The following GORAB variants were observed in gnomAD, a reference collection of about 807,000 sequenced individuals.
GORAB encodes RAB6-interacting golgin.
A neutral mutation model predicts 29.9 loss-of-function variants in GORAB; 17 were observed. The ratio of observed to expected loss-of-function variants is 0.57; its 90% CI spans 0.39 to 0.85. GORAB has a LOEUF of 0.85. Ranked by LOEUF, GORAB falls within the 40% of genes least tolerant of loss-of-function variation. The pLI is 0.00. For synonymous variants in GORAB, 183 were observed against 157.2 expected, an observed-to-expected ratio of 1.16 and a Z score of -1.23; for missense variants, 442 against 437.8, an observed-to-expected ratio of 1.01 and a Z score of -0.09.
At chr1:170,544,646 A>G (rs1231707466) in intron 3 of GORAB, 59 bp from the exon 4 acceptor site, 15 of 1,437,112 alleles carry the variant, frequency 1.0e-5, no homozygotes, top group Admixed American at 1.7e-5. Flanking sequence ...CTTACATTGT[A>G]TATGGACACA....
chr1:170,545,009 G>A, intron 4 of GORAB, 164 bp downstream of exon 4: 1 of 1,360,636 alleles, frequency 7.3e-7, no homozygotes, highest in East Asian at 2.6e-5. Context: ...CTCCTCTTCA[G>A]TGAAGTCTTC....
rs1649661209 is a variant in GORAB, at chr1:170,544,852, TG to T, written c.662+11del. 1.2e-6 allele frequency: 2 copies of T among 1,605,294 alleles called. No homozygotes were observed. The highest frequency in any genetic ancestry group is 2.7e-5 in the African/African-American group (2 of 74,790). On this transcript the variant is annotated splice_region_variant and intron_variant, in intron 4 of 4. Coordinates refer to ENST00000367763, the MANE Select transcript of GORAB (RefSeq NM_152281.3). ...TAGACTATTCATACGCTCGGTGAGT[TG>T]GGGAAATTGAATCTGAACAAGGAGT...
rs761513073 is a variant in GORAB at position 170,553,515 on chromosome 1, C to CT, written c.*1064dup. On this transcript the variant is annotated 3_prime_UTR_variant, in exon 5 of 5. Transcript: ENST00000367763. ...AAAGTAAAAATATTACCTTTGAGGA[C>CT]TTTTTTTTTTTAAAAAAAGAATTAT... 1,234 of 362,700 alleles carry CT rather than the reference C, an allele frequency of 3.4e-3. 2 individuals carry two copies. Among genetic ancestry groups the CT allele is most frequent in the African/African-American group, 7.2e-3 (326 of 45,550 alleles). The allele number at this position is 362,700 out of a possible 1,614,324, so 22.5% of individuals were successfully genotyped here. A position where few individuals can be genotyped will look rare whatever the true frequency, so the allele number is the denominator to read the frequency against.
intron 1 of GORAB, chr1:170,538,955 A>G: frequency 1.9e-6 from 1 of 521,844 alleles, no homozygotes; most frequent in East Asian, 3.3e-5. Flanking sequence ...CCTAAGGCCT[A>G]ACTCACTGAT....
chr1:170,550,636 T>C (rs1410147642), intron 4 of GORAB, among the ~76,000 whole-genome samples: 1 of 152,172 alleles, frequency 6.6e-6, no homozygotes, highest in Admixed American at 6.6e-5. Context: ...CCATTTATTA[T>C]TTTCACTGTA....
intron 1 of GORAB, among the ~76,000 whole-genome samples, chr1:170,532,977 T>G (rs1558000198): frequency 1.3e-5 from 2 of 152,176 alleles, no homozygotes; most frequent in African/African-American, 4.8e-5. Context: ...GTACAATTTT[T>G]TTGTTGTTGT....
At chr1:170,536,120 C>T (rs1413823675) in intron 1 of GORAB, among the ~76,000 whole-genome samples, 1 of 152,010 alleles carries the variant, frequency 6.6e-6, no homozygotes, top group Non-Finnish European at 1.5e-5. Context: ...TTGCCACTAA[C>T]GTGGTATATG....
Position 170,552,583 on chromosome 1 carries a change from A to G in GORAB, c.*121A>G, listed in dbSNP as rs1472641562. The G allele has an allele frequency of 1.1e-6, 1 of 873,594 alleles. No homozygotes were observed. The allele number at this position is 873,594 out of a possible 1,614,324, so 54.1% of individuals were successfully genotyped here. On this transcript the variant is annotated 3_prime_UTR_variant, in exon 5 of 5. Coordinates refer to ENST00000367763, the MANE Select transcript of GORAB (RefSeq NM_152281.3). ...AATGCTGATTTTTGAATTCATGATT[A>G]GTTTTAGTAAATTAATAGGTTTGGC...
At chr1:170,551,686 A>T (rs951098582) in intron 4 of GORAB, among the ~76,000 whole-genome samples, 4 of 152,186 alleles carry the variant, frequency 2.6e-5, no homozygotes, top group Admixed American at 1.3e-4. Context: ...GCTACAAATC[A>T]GGGCTCCCCA....
intron 4 of GORAB, chr1:170,545,141 G>A: frequency 1.9e-6 from 2 of 1,065,984 alleles, no homozygotes; most frequent in South Asian, 4.0e-5. Flanking sequence ...AAGTGTTTTT[G>A]CTCATCTTTC....
intron 4 of GORAB, among the ~76,000 whole-genome samples, chr1:170,550,280 C>T (rs1366519486): frequency 3.3e-5 from 5 of 152,134 alleles, no homozygotes; most frequent in African/African-American, 4.8e-5. Flanking sequence ...TGAGATGAGC[C>T]GGGCAAACCT....
chr1:170,550,913 G>T (rs1359927722), intron 4 of GORAB, among the ~76,000 whole-genome samples: 1 of 152,152 alleles, frequency 6.6e-6, no homozygotes, highest in Non-Finnish European at 1.5e-5. Context: ...AATAAATTAA[G>T]ACACGATAAC....
In GORAB at chr1:170,532,193, G is replaced by T; in HGVS notation, c.-31G>T. ...TGGCAGTCGCGGCTGCGAGATTTGGGCACTTTTGGGGGTGCCGGTGGCCCG... is the reference window on the plus strand; with the variant it reads ...TGGCAGTCGCGGCTGCGAGATTTGGTCACTTTTGGGGGTGCCGGTGGCCCG... On this transcript the variant is annotated 5_prime_UTR_variant, in exon 1 of 5. Coordinates refer to ENST00000367763, the MANE Select transcript of GORAB (RefSeq NM_152281.3). The T allele has an allele frequency of 6.2e-7, 1 of 1,613,946 alleles. No individual in the cohort carries two copies. The highest frequency in any genetic ancestry group is 8.5e-7 in the Non-Finnish European group (1 of 1,180,046).
intron 4 of GORAB, among the ~76,000 whole-genome samples, chr1:170,547,137 C>T (rs1322446621): frequency 1.3e-5 from 2 of 151,990 alleles, no homozygotes; most frequent in African/African-American, 2.4e-5. Flanking sequence ...AATTACAGAT[C>T]GGTAAAATAA....
intron 1 of GORAB, among the ~76,000 whole-genome samples, chr1:170,538,430 A>C (rs1649186246): frequency 6.6e-6 from 1 of 152,194 alleles, no homozygotes; most frequent in Non-Finnish European, 1.5e-5. Context: ...TGTGGGTCAG[A>C]TTCTCCAATT....
Position 170,553,516 on chromosome 1 carries a change from T to A in GORAB, c.*1054T>A, listed in dbSNP as rs769167855. The A allele has an allele frequency of 3.2e-6, 1 of 316,276 alleles. No homozygotes were observed. The highest frequency in any genetic ancestry group is 2.6e-5 in the South Asian group (1 of 37,818). 19.6% of individuals were successfully genotyped at this position (316,276 alleles called of 1,614,324 possible). A position where few individuals can be genotyped will look rare whatever the true frequency, so the allele number is the denominator to read the frequency against. ...AAGTAAAAATATTACCTTTGAGGAC[T>A]TTTTTTTTTTAAAAAAAGAATTATT... is the stretch of plus-strand genomic sequence containing the variant. On this transcript the variant is annotated 3_prime_UTR_variant, in exon 5 of 5. Transcript: ENST00000367763.
chr1:170,540,445 CT>C lies in GORAB; in HGVS notation c.419+889del, dbSNP rs998860349. On this transcript the variant is annotated intron_variant, in intron 2 of 4. Transcript: ENST00000367763. ...CTTTTCTGAGTTCTTTTCAAAGTAT[CT>C]TTTTTTTTTTCTAATCTCTGACATC... is the stretch of plus-strand genomic sequence containing the variant. 1.0e-3 allele frequency among the ~76,000 whole-genome samples: 153 copies of C among 147,412 alleles called. 2 individuals carry two copies. Among genetic ancestry groups the C allele is most frequent in the African/African-American group, 2.6e-3 (105 of 40,494 alleles).
At chr1:170,538,796 G>A (rs1414296168) in intron 1 of GORAB, among the ~76,000 whole-genome samples, 2 of 152,178 alleles carry the variant, frequency 1.3e-5, no homozygotes, top group African/African-American at 4.8e-5. Flanking sequence ...ATTTGAAAAT[G>A]CAACCACCAT....
Position 170,532,191 on chromosome 1 carries a change from G to A in GORAB, c.-33G>A. ...GTTGGCAGTCGCGGCTGCGAGATTT[G>A]GGCACTTTTGGGGGTGCCGGTGGCC... On this transcript the variant is annotated 5_prime_UTR_variant, in exon 1 of 5. Coordinates refer to ENST00000367763, the MANE Select transcript of GORAB (RefSeq NM_152281.3). 3 of 1,613,856 alleles carry A rather than the reference G, an allele frequency of 1.9e-6. No individual in the cohort carries two copies. Among genetic ancestry groups the A allele is most frequent in the Non-Finnish European group, 2.5e-6 (3 of 1,180,034 alleles).
Sources: allele counts gnomAD v4.1 joint callset (sites outside exome capture counted in the v4.1 genomes callset), GRCh38; gene constraint gnomAD v4.1.1; transcripts MANE v1.5; gene names NCBI Gene and HGNC (gene_info 2026-07-23, HGNC 2026-07-21).